The following EPHA6 variants were observed in gnomAD, a reference collection of about 807,000 sequenced individuals.
The protein encoded by EPHA6 is ephrin type-A receptor 6.
Under a neutral mutation model 112.0 loss-of-function variants are expected in EPHA6, and 50 were observed. That is an observed-to-expected ratio of 0.45 (90% CI 0.36 to 0.56). EPHA6 has a LOEUF of 0.56. Ranked by LOEUF, EPHA6 falls within the 20% of genes least tolerant of loss-of-function variation. The probability of loss-of-function intolerance (pLI) is 0.00; values close to 1 mark genes in which losing one functional copy is unlikely to be tolerated. For missense variants in EPHA6, 1,280 were observed against 1,417.4 expected, an observed-to-expected ratio of 0.90 and a Z score of 1.56; for synonymous variants, 529 against 490.7, an observed-to-expected ratio of 1.08 and a Z score of -1.03.
In EPHA6 at chr3:97,757,259, A is replaced by C. The variant is rs763099815; in HGVS notation, c.*8558A>C. Among the ~76,000 whole-genome samples, 4 of 151,868 alleles carry C rather than the reference A, an allele frequency of 2.6e-5. No individual in the cohort carries two copies. Among genetic ancestry groups the C allele is most frequent in the Non-Finnish European group, 4.4e-5 (3 of 67,762 alleles). On this transcript the variant is annotated 3_prime_UTR_variant, in exon 18 of 18. Coordinates refer to ENST00000389672, the MANE Select transcript of EPHA6 (RefSeq NM_001080448.3). ...ACTCTTACTGGTAATTTTGAAACTA[A>C]AGTGCATTTCAAGGATGGGAATCTC... is the stretch of plus-strand genomic sequence containing the variant.
intron 12 of EPHA6, among the ~76,000 whole-genome samples, chr3:97,610,213 C>T (rs2093708554): frequency 6.6e-6 from 1 of 151,594 alleles, no homozygotes; most frequent in South Asian, 2.1e-4. Context: ...GGAACTATTA[C>T]AAATCCTACA....
At chr3:97,042,445 T>C (rs899322698) in intron 3 of EPHA6, among the ~76,000 whole-genome samples, 1 of 152,118 alleles carries the variant, frequency 6.6e-6, no homozygotes, top group Non-Finnish European at 1.5e-5. Context: ...TCTTTATAAA[T>C]TACCCAGTCT....
intron 7 of EPHA6, among the ~76,000 whole-genome samples, chr3:97,467,571 G>C (rs1271288414): frequency 6.6e-6 from 1 of 151,798 alleles, no homozygotes; most frequent in Non-Finnish European, 1.5e-5. Flanking sequence ...GGGATGTTGT[G>C]AAATTTGTAT....
intron 11 of EPHA6, among the ~76,000 whole-genome samples, chr3:97,571,908 T>C (rs1037488528): frequency 6.6e-6 from 1 of 152,198 alleles, no homozygotes; most frequent in Non-Finnish European, 1.5e-5. Flanking sequence ...AGAACCATCA[T>C]TGCAATGTAT....
At chr3:97,196,575 T>C (rs1300528499) in intron 3 of EPHA6, among the ~76,000 whole-genome samples, 1 of 152,048 alleles carries the variant, frequency 6.6e-6, no homozygotes, top group African/African-American at 2.4e-5. Context: ...GGATATTTAT[T>C]ACGGTCATTT....
At chr3:97,390,106 C>G (rs2086314404) in intron 5 of EPHA6, among the ~76,000 whole-genome samples, 1 of 152,064 alleles carries the variant, frequency 6.6e-6, no homozygotes, top group Admixed American at 6.6e-5. Flanking sequence ...CCTCAGGAAG[C>G]CATGAATGTT....
At position 96,905,521 on chromosome 3, in the gene EPHA6, A is replaced by G. The variant is rs140491171; in HGVS notation, c.450+38632A>G. Among the ~76,000 whole-genome samples the G allele has an allele frequency of 6.4e-3, 979 of 152,146 alleles. 7 individuals carry two copies. Among genetic ancestry groups the G allele is most frequent in the African/African-American group, 0.021 (883 of 41,550 alleles). On this transcript the variant is annotated intron_variant, in intron 2 of 17. Coordinates refer to ENST00000389672, the MANE Select transcript of EPHA6 (RefSeq NM_001080448.3). Reference sequence around the variant, plus strand: ...ATGTCTTTATGCAAAGACAATTGATATGAAATTAAGCTAAAATTATAAATC... The same window carrying G: ...ATGTCTTTATGCAAAGACAATTGATGTGAAATTAAGCTAAAATTATAAATC...
rs1458925973 is a variant in EPHA6, at chr3:97,648,381, C to T, written c.2784+10299C>T. The stretch of plus-strand genomic sequence containing the variant: ...TCGGTCTAAGAAGACATAGCCTACA[C>T]CCAACTGGAGATAATTATAAAAAAT... On this transcript the variant is annotated intron_variant, in intron 14 of 17. Coordinates refer to ENST00000389672, the MANE Select transcript of EPHA6 (RefSeq NM_001080448.3). 2.0e-6 allele frequency: 3 copies of T among 1,521,090 alleles called. No homozygotes were observed. In the East Asian group the frequency reaches 7.3e-5, roughly 37 times the overall value. The allele number at this position is 1,521,090 out of a possible 1,614,324, so 94.2% of individuals were successfully genotyped here.
rs146934583 is a variant in EPHA6 at position 97,252,435 on chromosome 3, G to A, written c.1606+8148G>A. Among the ~76,000 whole-genome samples, 196 of 152,030 alleles carry A rather than the reference G, an allele frequency of 1.3e-3. 2 individuals carry two copies. The highest frequency in any genetic ancestry group is 3.0e-3 in the African/African-American group (126 of 41,464). On this transcript the variant is annotated intron_variant, in intron 5 of 17. Transcript: ENST00000389672. The stretch of plus-strand genomic sequence containing the variant: ...CACACACATACACACACACACGCGC[G>A]CGCACGCACAGGCACACCCACACGA...
At chr3:96,844,806 G>A (rs1274429676) in intron 1 of EPHA6, among the ~76,000 whole-genome samples, 3 of 151,934 alleles carry the variant, frequency 2.0e-5, no homozygotes, top group Non-Finnish European at 2.9e-5. Flanking sequence ...GATCAAGACA[G>A]ATGTCAAGAA....
chr3:97,720,204 C>T lies in EPHA6; in HGVS notation c.2785-57C>T. ...AATAAAAAATATTTAATTGGAATAC[C>T]ATTTTGTTTTTAATACAACGATAAG... On this transcript the variant is annotated intron_variant, in intron 14 of 17. Transcript: ENST00000389672. 3.6e-6 allele frequency: 5 copies of T among 1,386,334 alleles called. No individual in the cohort carries two copies. The South Asian group carries it at 7.4e-5, about 21-fold the overall frequency. 85.9% of individuals were successfully genotyped at this position (1,386,334 alleles called of 1,614,324 possible).
intron 11 of EPHA6, among the ~76,000 whole-genome samples, chr3:97,553,265 C>G (rs1397071315): frequency 2.0e-5 from 3 of 152,002 alleles, no homozygotes; most frequent in Non-Finnish European, 2.9e-5. Context: ...CTTCTACAAG[C>G]CAATCTCTCT....
At chr3:96,963,531 T>C (rs2042018856) in intron 2 of EPHA6, among the ~76,000 whole-genome samples, 1 of 152,222 alleles carries the variant, frequency 6.6e-6, no homozygotes, top group Admixed American at 6.5e-5. Flanking sequence ...TGCTTTTTAT[T>C]GTTACATAAT....
At chr3:97,392,179 T>G (rs538394499) in intron 5 of EPHA6, among the ~76,000 whole-genome samples, 48 of 152,014 alleles carry the variant, frequency 3.2e-4, no homozygotes, top group African/African-American at 1.1e-3. Context: ...GAATTATATC[T>G]TAGAATAAAT....
intron 5 of EPHA6, among the ~76,000 whole-genome samples, chr3:97,293,470 G>A (rs1303220331): frequency 1.3e-5 from 2 of 152,194 alleles, no homozygotes; most frequent in African/African-American, 2.4e-5. Context: ...GTGGAGAGGA[G>A]ACTCATGGAG....
chr3:96,846,048 A>G (rs547166488), intron 1 of EPHA6, among the ~76,000 whole-genome samples: 1 of 152,182 alleles, frequency 6.6e-6, no homozygotes, highest in Admixed American at 6.6e-5. Context: ...GTGTTTTTCA[A>G]TATGCCTGTT....
At chr3:97,657,094 C>T (rs570412102) in intron 14 of EPHA6, among the ~76,000 whole-genome samples, 17 of 151,964 alleles carry the variant, frequency 1.1e-4, no homozygotes, top group African/African-American at 4.1e-4. Flanking sequence ...TTTATGGAAG[C>T]TGAATCATTA....
Position 97,484,062 on chromosome 3 carries a change from A to AT in EPHA6, c.2200+3_2200+4insT. The AT allele has an allele frequency of 6.3e-7, 1 of 1,599,296 alleles. No homozygotes were observed. The highest frequency in any genetic ancestry group is 8.5e-7 in the Non-Finnish European group (1 of 1,174,524). On this transcript the variant is annotated splice_donor_region_variant and intron_variant, in intron 10 of 17. Transcript: ENST00000389672. ...TATTGAGAGAGTCATTGGGGCAGGTAAATGTCAAATCTACACTTTTGAACA... is the reference window on the plus strand; with the variant it reads ...TATTGAGAGAGTCATTGGGGCAGGTATAATGTCAAATCTACACTTTTGAACA...
At chr3:97,053,851 ATGTGTCTCTTTCAAAGCCC>A (rs1295729339) in intron 3 of EPHA6, among the ~76,000 whole-genome samples, 4 of 152,000 alleles carry the variant, frequency 2.6e-5, no homozygotes, top group African/African-American at 9.7e-5. Context: ...CCTCATTTTC[ATGTGTCTCTTTCAAAGCCC>A]TGTATCTCTA....
Sources: gnomAD v4.1 joint callset for allele counts (sites outside exome capture counted in the v4.1 genomes callset) on GRCh38, gnomAD v4.1.1 for gene constraint, MANE v1.5 for transcripts, NCBI Gene and HGNC (gene_info 2026-07-23, HGNC 2026-07-21) for gene names.